Variants in QTMAN observed in about 807,000 individuals in gnomAD.
QTMAN encodes queuosine-tRNA mannosyltransferase.
At chr2:144,264,639 T>C in the QTMAN span, among the ~76,000 whole-genome samples, 1 of 152,166 alleles carries the variant, frequency 6.6e-6, no homozygotes, top group East Asian at 1.9e-4. Context: ...CGGGTGAGGC[T>C]AGTCAGGAAC....
the QTMAN span, among the ~76,000 whole-genome samples, chr2:143,952,454 T>C: frequency 6.6e-6 from 1 of 151,576 alleles, no homozygotes; most frequent in Non-Finnish European, 1.5e-5. Flanking sequence ...TCCCTGATTT[T>C]TCTGTGTGTA....
the QTMAN span, among the ~76,000 whole-genome samples, chr2:144,228,568 A>G: frequency 1.3e-5 from 2 of 152,234 alleles, no homozygotes; most frequent in East Asian, 1.9e-4. Flanking sequence ...AGGAGAAAAG[A>G]AGGAGAATGG....
At chr2:144,034,756 A>C in the QTMAN span, among the ~76,000 whole-genome samples, 3 of 152,120 alleles carry the variant, frequency 2.0e-5, no homozygotes, top group African/African-American at 7.2e-5. Context: ...AAATTTCTCC[A>C]TCTCCTTCAA....
At chr2:144,029,815 A>G in the QTMAN span, among the ~76,000 whole-genome samples, 2 of 152,192 alleles carry the variant, frequency 1.3e-5, no homozygotes, top group Non-Finnish European at 2.9e-5. Context: ...GCTTTCAAAT[A>G]GGTAGGCAGA....
the QTMAN span, among the ~76,000 whole-genome samples, chr2:144,119,784 T>C: frequency 1.3e-5 from 2 of 152,180 alleles, no homozygotes; most frequent in East Asian, 3.8e-4. Context: ...TTGCTGTTCA[T>C]ACTCTTCTCT....
chr2:143,984,848 T>C, the QTMAN span, among the ~76,000 whole-genome samples: 1 of 152,154 alleles, frequency 6.6e-6, no homozygotes, highest in African/African-American at 2.4e-5. Context: ...CCAGCTCCCC[T>C]TCCCACTGAG....
chr2:144,240,627 T>C, the QTMAN span, among the ~76,000 whole-genome samples: 8 of 152,240 alleles, frequency 5.3e-5, no homozygotes, highest in Non-Finnish European at 1.0e-4. Context: ...CTACTATTGC[T>C]AAATACTGGC....
chr2:144,052,620 T>A, the QTMAN span, among the ~76,000 whole-genome samples: 1 of 152,212 alleles, frequency 6.6e-6, no homozygotes, highest in African/African-American at 2.4e-5. Flanking sequence ...TGATTCTGTG[T>A]CTGTAAAGTC....
At chr2:144,133,463 A>AATATATT in the QTMAN span, among the ~76,000 whole-genome samples, 7 of 61,518 alleles carry the variant, frequency 1.1e-4, no homozygotes, top group African/African-American at 4.4e-4. Flanking sequence ...TATAATATAT[A>AATATATT]TTATATATTA....
the QTMAN span, among the ~76,000 whole-genome samples, chr2:144,028,060 A>G: frequency 6.6e-6 from 1 of 152,234 alleles, no homozygotes; most frequent in Non-Finnish European, 1.5e-5. Context: ...AGAGCTTCTT[A>G]TAAATAGCAC....
chr2:143,946,942 A>G, the QTMAN span: 1 of 759,076 alleles, frequency 1.3e-6, no homozygotes, highest in Non-Finnish European at 2.2e-6. Flanking sequence ...AGCCAGGCTC[A>G]GCTTCCTCTG....
the QTMAN span, among the ~76,000 whole-genome samples, chr2:144,246,594 A>G: frequency 1.3e-5 from 2 of 151,038 alleles, no homozygotes; most frequent in African/African-American, 2.4e-5. Flanking sequence ...AAAAAAAAAA[A>G]AAAAAAAAGA....
the QTMAN span, among the ~76,000 whole-genome samples, chr2:144,227,979 T>C: frequency 1.3e-5 from 2 of 152,188 alleles, no homozygotes; most frequent in African/African-American, 4.8e-5. Context: ...TGAGTAAACA[T>C]CCCTTTCTAA....
the QTMAN span, among the ~76,000 whole-genome samples, chr2:144,187,778 C>T: frequency 1.3e-5 from 2 of 152,110 alleles, no homozygotes; most frequent in South Asian, 2.1e-4. Context: ...AAATGTATCC[C>T]CCAAAAAGAT....
At chr2:144,291,836 C>T in the QTMAN span, among the ~76,000 whole-genome samples, 1 of 152,200 alleles carries the variant, frequency 6.6e-6, no homozygotes, top group African/African-American at 2.4e-5. Context: ...TTGTCTGAAT[C>T]ATTAAAATAG....
At chr2:144,104,282 C>G in the QTMAN span, among the ~76,000 whole-genome samples, 1 of 152,080 alleles carries the variant, frequency 6.6e-6, no homozygotes, top group African/African-American at 2.4e-5. Context: ...GTGCAGCCCA[C>G]CAAGCATGAG....
At chr2:144,244,662 A>AT in the QTMAN span, among the ~76,000 whole-genome samples, 13 of 152,232 alleles carry the variant, frequency 8.5e-5, no homozygotes, top group African/African-American at 2.6e-4. Context: ...TTAAACAAGA[A>AT]TTTTTTTTAA....
At chr2:144,243,340 G>T in the QTMAN span, among the ~76,000 whole-genome samples, 3 of 152,064 alleles carry the variant, frequency 2.0e-5, no homozygotes, top group African/African-American at 4.8e-5. Context: ...ACTCCATAAT[G>T]CCCATTTATC....
chr2:144,025,164 C>A, the QTMAN span, among the ~76,000 whole-genome samples: 1 of 152,158 alleles, frequency 6.6e-6, no homozygotes, highest in Non-Finnish European at 1.5e-5. Flanking sequence ...TACCCCATCA[C>A]TCTCTAACAG....
Sources: gnomAD v4.1 joint callset for allele counts (sites outside exome capture counted in the v4.1 genomes callset) on GRCh38, gnomAD v4.1.1 for gene constraint, MANE v1.5 for transcripts, NCBI Gene and HGNC (gene_info 2026-07-23, HGNC 2026-07-21) for gene names.